SLCO6A1: variants seen among roughly 807,000 people sequenced by gnomAD.
SLCO6A1 encodes the protein cancer/testis antigen 48.
In SLCO6A1, 65 loss-of-function variants were observed where a neutral mutation model predicts 72.7. That is an observed-to-expected ratio of 0.89 (90% confidence interval 0.73 to 1.10). The LOEUF is 1.10. SLCO6A1 is among the 50% of genes least tolerant of loss of function. SLCO6A1 has a pLI of 0.00. For synonymous variants in SLCO6A1, 314 were observed against 298.2 expected, an observed-to-expected ratio of 1.05 and a Z score of -0.55; for missense variants, 874 against 872.6, an observed-to-expected ratio of 1.00 and a Z score of -0.02.
At chr5:102,391,745 C>T (rs1746772576) in intron 10 of SLCO6A1, among the ~76,000 whole-genome samples, 1 of 152,082 alleles carries the variant, frequency 6.6e-6, no homozygotes, top group Admixed American at 6.6e-5. Flanking sequence ...CTTAATTCAA[C>T]CTTACTCAAA....
chr5:102,440,654 C>T (rs1389438870), intron 6 of SLCO6A1, among the ~76,000 whole-genome samples: 10 of 152,188 alleles, frequency 6.6e-5, no homozygotes, highest in Non-Finnish European at 1.5e-5. Flanking sequence ...GGGACTGCTG[C>T]TCTAGTTGAC....
intron 12 of SLCO6A1, among the ~76,000 whole-genome samples, chr5:102,376,386 ATCATAT>A (rs1409858674): frequency 2.6e-5 from 4 of 152,162 alleles, no homozygotes; most frequent in Non-Finnish European, 5.9e-5. Flanking sequence ...ATACACATAC[ATCATAT>A]TAATATTAAA....
chr5:102,436,515 T>C (rs765653314), intron 7 of SLCO6A1, among the ~76,000 whole-genome samples: 39 of 152,232 alleles, frequency 2.6e-4, no homozygotes, highest in Non-Finnish European at 4.1e-4. Flanking sequence ...AGATGGTAGA[T>C]GTCTGTCTTG....
intron 9 of SLCO6A1, among the ~76,000 whole-genome samples, chr5:102,406,132 C>G (rs1747655885): frequency 6.7e-6 from 1 of 150,338 alleles, no homozygotes; most frequent in African/African-American, 2.4e-5. Flanking sequence ...CTCAGCCATA[C>G]TGATAACTCT....
At chr5:102,432,712 T>G (rs564867461) in intron 7 of SLCO6A1, among the ~76,000 whole-genome samples, 32 of 152,266 alleles carry the variant, frequency 2.1e-4, no homozygotes, top group Admixed American at 1.9e-3. Flanking sequence ...GACATTGTTT[T>G]TTCATTTTGA....
chr5:102,381,801 G>T (rs1746125416), intron 12 of SLCO6A1, among the ~76,000 whole-genome samples: 3 of 135,684 alleles, frequency 2.2e-5, no homozygotes, highest in South Asian at 2.3e-4. Context: ...ATTTTCACTT[G>T]CATTTTCCTG....
chr5:102,446,760 G>GTTTTTTGT (rs1181159239), intron 6 of SLCO6A1, among the ~76,000 whole-genome samples: 1 of 151,766 alleles, frequency 6.6e-6, no homozygotes, highest in Admixed American at 6.6e-5. Context: ...AACGTTTTTT[G>GTTTTTTGT]TTTTTTGTTT....
chr5:102,396,447 T>C (rs906484404), intron 10 of SLCO6A1, among the ~76,000 whole-genome samples: 1 of 152,196 alleles, frequency 6.6e-6, no homozygotes, highest in Non-Finnish European at 1.5e-5. Context: ...ATTCCCAAGC[T>C]TACTCTTGCT....
chr5:102,444,775 T>G (rs7734060), intron 6 of SLCO6A1, among the ~76,000 whole-genome samples: 28,957 of 152,138 alleles, frequency 0.19, 3,374 homozygotes, highest in South Asian at 0.28. Context: ...TGTTTTCAAC[T>G]TTCATTTTAG....
At chr5:102,476,065 A>G (rs1751882989) in intron 3 of SLCO6A1, among the ~76,000 whole-genome samples, 1 of 152,134 alleles carries the variant, frequency 6.6e-6, no homozygotes, top group Non-Finnish European at 1.5e-5. Context: ...GGTAATGGTG[A>G]GAGGTGGGTG....
At chr5:102,496,840 A>T (rs905869853) in intron 1 of SLCO6A1, among the ~76,000 whole-genome samples, 6 of 152,192 alleles carry the variant, frequency 3.9e-5, no homozygotes, top group Non-Finnish European at 8.8e-5. Context: ...CTATTGTGAA[A>T]CAAGCCTTTC....
chr5:102,381,602 T>A (rs1002105061), intron 12 of SLCO6A1, among the ~76,000 whole-genome samples: 1 of 151,846 alleles, frequency 6.6e-6, no homozygotes, highest in African/African-American at 2.4e-5. Flanking sequence ...AGTAGTGAGA[T>A]TGCTGGATCA....
At position 102,383,963 on chromosome 5, in the gene SLCO6A1, T is replaced by C. The variant is rs557242673; in HGVS notation, c.2017+4725A>G. On this transcript the variant is annotated intron_variant, in intron 12 of 13. Coordinates refer to ENST00000506729, the MANE Select transcript of SLCO6A1 (RefSeq NM_173488.5). ...TGTTCATATTACCTAGGTCATCCAA[T>C]TTGATGTATAATTTTTCATAATAGT... Among the ~76,000 whole-genome samples the C allele has an allele frequency of 3.9e-5, 6 of 151,902 alleles. No homozygotes were observed. The South Asian group carries it at 1.2e-3, about 32-fold the overall frequency.
chr5:102,447,392 A>C (rs753851976), intron 6 of SLCO6A1, among the ~76,000 whole-genome samples: 1 of 152,194 alleles, frequency 6.6e-6, no homozygotes, highest in Non-Finnish European at 1.5e-5. Context: ...GAACATGTTA[A>C]GGAGGAGTAC....
intron 7 of SLCO6A1, among the ~76,000 whole-genome samples, chr5:102,431,578 G>C (rs1749219755): frequency 6.6e-6 from 1 of 152,060 alleles, no homozygotes; most frequent in Non-Finnish European, 1.5e-5. Flanking sequence ...TATTTTTATT[G>C]TGCTGGGGTC....
rs541649776 is a variant in SLCO6A1, at chr5:102,467,509, T to G, written c.900-7732A>C. Among the ~76,000 whole-genome samples, 37 of 152,068 alleles carry G rather than the reference T, an allele frequency of 2.4e-4. 1 individual carries two copies. The highest frequency in any genetic ancestry group is 9.8e-4 in the Admixed American group (15 of 15,238). Reference sequence around the variant, plus strand: ...AATATCATGAGACTTATTCACTACATACGAGTACAGTATGAGGGAAACTGC... The same window carrying G: ...AATATCATGAGACTTATTCACTACAGACGAGTACAGTATGAGGGAAACTGC... On this transcript the variant is annotated intron_variant, in intron 4 of 13. Coordinates refer to ENST00000506729, the MANE Select transcript of SLCO6A1 (RefSeq NM_173488.5).
intron 8 of SLCO6A1, among the ~76,000 whole-genome samples, chr5:102,414,920 TAAATA>T (rs1206275474): frequency 2.6e-4 from 40 of 151,304 alleles, no homozygotes; most frequent in East Asian, 5.8e-4. Context: ...AATAAATAAA[TAAATA>T]AATAAATAAA....
At chr5:102,392,650 C>T (rs909827615) in intron 10 of SLCO6A1, among the ~76,000 whole-genome samples, 13 of 151,678 alleles carry the variant, frequency 8.6e-5, no homozygotes, top group Admixed American at 2.6e-4. Context: ...CTAAGAAATA[C>T]GAATACACAA....
chr5:102,419,705 G>A (rs1748481015), intron 8 of SLCO6A1, 121 bp downstream of exon 8: 2 of 788,042 alleles, frequency 2.5e-6, no homozygotes, highest in East Asian at 6.1e-5. Flanking sequence ...TCTTTTATGT[G>A]TTTGATAATT....
Sources: allele counts gnomAD v4.1 joint callset (sites outside exome capture counted in the v4.1 genomes callset), GRCh38; gene constraint gnomAD v4.1.1; transcripts MANE v1.5; gene names NCBI Gene and HGNC (gene_info 2026-07-23, HGNC 2026-07-21).